The following DCC variants were observed in gnomAD, a reference collection of about 807,000 sequenced individuals.
DCC encodes the protein netrin receptor DCC.
A neutral mutation model predicts 172.5 loss-of-function variants in DCC; 58 were observed. That is an observed-to-expected ratio of 0.34 (90% CI 0.27 to 0.42). The LOEUF (loss-of-function observed/expected upper bound fraction) is 0.42, where lower values mean the gene tolerates loss of function less well. Among genes scored for constraint, DCC ranks in the 10% least tolerant of loss-of-function variants. The probability of loss-of-function intolerance (pLI) is 1.00; values close to 1 mark genes in which losing one functional copy is unlikely to be tolerated. For synonymous variants in DCC, 709 were observed against 644.5 expected (o/e 1.10, Z -1.52); for missense variants, 1,740 against 1,791.0 (o/e 0.97, Z 0.51).
At chr18:53,234,707 C>T (rs185181018) in intron 12 of DCC, among the ~76,000 whole-genome samples, 6 of 152,272 alleles carry the variant, frequency 3.9e-5, no homozygotes, top group African/African-American at 1.4e-4. Flanking sequence ...AATCTGACTC[C>T]AGTTTTTTAC....
chr18:52,948,199 A>T (rs181384187), intron 5 of DCC, among the ~76,000 whole-genome samples: 5 of 152,258 alleles, frequency 3.3e-5, no homozygotes, highest in Admixed American at 6.5e-5. Flanking sequence ...ATTTTTGTGT[A>T]CAATAGCTTC....
At chr18:52,379,389 A>G (rs1005276474) in intron 1 of DCC, among the ~76,000 whole-genome samples, 1 of 152,086 alleles carries the variant, frequency 6.6e-6, no homozygotes, top group Non-Finnish European at 1.5e-5. Flanking sequence ...TGATCTTAGT[A>G]TGGTTACTTA....
chr18:53,491,008 T>A (rs1353583927), intron 26 of DCC, among the ~76,000 whole-genome samples: 1 of 152,206 alleles, frequency 6.6e-6, no homozygotes. Context: ...CATTAGGCAC[T>A]TTCCTATTCT....
At chr18:53,522,733 AC>A (rs1382801467) in intron 27 of DCC, among the ~76,000 whole-genome samples, 1 of 151,952 alleles carries the variant, frequency 6.6e-6, no homozygotes, top group Admixed American at 6.6e-5. Context: ...CTGAAACCTG[AC>A]CCCTCCTTAC....
chr18:53,205,649 C>T (rs2055613420), intron 10 of DCC, among the ~76,000 whole-genome samples: 1 of 152,126 alleles, frequency 6.6e-6, no homozygotes, highest in African/African-American at 2.4e-5. Context: ...TGTGGGCAAC[C>T]AGATTTGTAT....
At position 53,530,424 on chromosome 18, in the gene DCC, T is replaced by C. The variant is rs963071962; in HGVS notation, c.4255-140T>C. 6.9e-6 allele frequency: 5 copies of C among 726,644 alleles called. No homozygotes were observed. The African/African-American group carries it at 6.9e-5, about 10-fold the overall frequency. 45.0% of individuals were successfully genotyped at this position (726,644 alleles called of 1,614,324 possible). A position where few individuals can be genotyped will look rare whatever the true frequency, so the allele number is the denominator to read the frequency against. On this transcript the variant is annotated intron_variant, in intron 28 of 28. Coordinates refer to ENST00000442544, the MANE Select transcript of DCC (RefSeq NM_005215.4). ...TACCAGCATCTTCATTCAGTGAGTA[T>C]ATTCCAAGGACAGCCCTGGCTGTGG...
intron 3 of DCC, among the ~76,000 whole-genome samples, chr18:52,916,657 T>C (rs2040045535): frequency 6.6e-6 from 1 of 152,180 alleles, no homozygotes; most frequent in South Asian, 2.1e-4. Flanking sequence ...TTTATAAATA[T>C]GGTGCTAGAT....
At chr18:53,448,391 A>T (rs1912762717) in intron 22 of DCC, among the ~76,000 whole-genome samples, 1 of 152,168 alleles carries the variant, frequency 6.6e-6, no homozygotes, top group African/African-American at 2.4e-5. Flanking sequence ...AAGGGGGGAA[A>T]GGACCTTATA....
chr18:52,479,580 A>ACC lies in DCC; in HGVS notation c.91+138711_91+138712dup, dbSNP rs11294586. Among the ~76,000 whole-genome samples the ACC allele has an allele frequency of 1.6e-3, 190 of 116,810 alleles. 1 individual carries two copies. The highest frequency in any genetic ancestry group is 5.5e-3 in the East Asian group (20 of 3,642). The allele number at this position is 116,810 out of a possible 152,430, so 76.6% of individuals were successfully genotyped here. On this transcript the variant is annotated intron_variant, in intron 1 of 28. Coordinates refer to ENST00000442544, the MANE Select transcript of DCC (RefSeq NM_005215.4). Reference sequence around the variant, plus strand: ...TCTCTCTCACTCCCTACCTCCCTCCACCCCCCCCCCGTCTCCCTTCCTCTC... The same window carrying ACC: ...TCTCTCTCACTCCCTACCTCCCTCCACCCCCCCCCCCCGTCTCCCTTCCTCTC...
chr18:53,467,140 C>A (rs1470266028), intron 24 of DCC, among the ~76,000 whole-genome samples: 1 of 151,932 alleles, frequency 6.6e-6, no homozygotes, highest in East Asian at 1.9e-4. Context: ...TGTGTATAAC[C>A]TTATTACATA....
At chr18:52,659,997 A>T (rs1359148949) in intron 1 of DCC, among the ~76,000 whole-genome samples, 5 of 152,198 alleles carry the variant, frequency 3.3e-5, no homozygotes, top group Non-Finnish European at 7.3e-5. Flanking sequence ...ACCATTTCAG[A>T]TTTTATGAGA....
chr18:53,435,865 CA>C (rs1911908980), intron 22 of DCC, among the ~76,000 whole-genome samples: 6 of 152,126 alleles, frequency 3.9e-5, no homozygotes, highest in Admixed American at 3.9e-4. Context: ...TTTGCTGAAA[CA>C]AACTTTAAAA....
intron 12 of DCC, among the ~76,000 whole-genome samples, chr18:53,221,799 G>A (rs1036374900): frequency 2.0e-5 from 3 of 152,172 alleles, no homozygotes; most frequent in Non-Finnish European, 4.4e-5. Flanking sequence ...CAGTGGTCAA[G>A]AATACAGACA....
chr18:52,587,928 CCTTA>C (rs1360867705), intron 1 of DCC, among the ~76,000 whole-genome samples: 1 of 152,142 alleles, frequency 6.6e-6, no homozygotes, highest in Non-Finnish European at 1.5e-5. Flanking sequence ...TCCTTATGTA[CCTTA>C]CTTGTGTCTT....
chr18:53,430,322 C>T (rs753496744), intron 21 of DCC, among the ~76,000 whole-genome samples: 9 of 152,118 alleles, frequency 5.9e-5, no homozygotes, highest in Non-Finnish European at 1.2e-4. Context: ...ATTGTATGAA[C>T]GTCGTCCTGG....
At chr18:52,738,092 A>G (rs1395176976) in intron 1 of DCC, among the ~76,000 whole-genome samples, 1 of 152,168 alleles carries the variant, frequency 6.6e-6, no homozygotes, top group Non-Finnish European at 1.5e-5. Context: ...CTCTTGGTCC[A>G]CAGAGCGCAA....
chr18:53,407,528 G>GATATAA (rs1555666922), intron 19 of DCC, among the ~76,000 whole-genome samples: 7 of 117,446 alleles, frequency 6.0e-5, no homozygotes, highest in Middle Eastern at 5.8e-3. Context: ...TTTTATTCTG[G>GATATAA]ATATATATAT....
chr18:53,254,926 C>T (rs1254128604), intron 12 of DCC, among the ~76,000 whole-genome samples: 1 of 152,060 alleles, frequency 6.6e-6, no homozygotes, highest in African/African-American at 2.4e-5. Flanking sequence ...TTAGGGACTA[C>T]ATATAGGACA....
At chr18:52,476,688 C>G (rs1299492733) in intron 1 of DCC, among the ~76,000 whole-genome samples, 1 of 152,100 alleles carries the variant, frequency 6.6e-6, no homozygotes, top group Non-Finnish European at 1.5e-5. Flanking sequence ...GTGTATGACT[C>G]TGGATAAGTC....
Sources: gnomAD v4.1 joint callset for allele counts (sites outside exome capture counted in the v4.1 genomes callset) on GRCh38, gnomAD v4.1.1 for gene constraint, MANE v1.5 for transcripts, NCBI Gene and HGNC (gene_info 2026-07-23, HGNC 2026-07-21) for gene names.